The following ENOX2 variants were observed in gnomAD, a reference collection of about 807,000 sequenced individuals.
ENOX2 encodes the protein ecto-NOX disulfide-thiol exchanger 2, also known as APK1 antigen.
ENOX2 carries 36 observed loss-of-function variants against 45.0 expected under a neutral mutation model. The ratio of observed to expected loss-of-function variants is 0.80; its 90% CI spans 0.61 to 1.06. The LOEUF is 1.06. Among genes scored for constraint, ENOX2 ranks in the 50% least tolerant of loss-of-function variants. The pLI, the probability that ENOX2 is intolerant of heterozygous loss-of-function variation, is 0.00. For missense variants in ENOX2, 423 were observed against 462.5 expected, an observed-to-expected ratio of 0.91 and a Z score of 0.78; for synonymous variants, 174 against 152.3, an observed-to-expected ratio of 1.14 and a Z score of -1.05.
At chrX:130,662,727 A>G (rs752061898) in intron 9 of ENOX2, among the ~76,000 whole-genome samples, 1 of 112,340 alleles carries the variant, frequency 8.9e-6, no homozygotes, top group Non-Finnish European at 1.9e-5. Context: ...TGACTTAAAG[A>G]GGCACCAATA....
intron 2 of ENOX2, among the ~76,000 whole-genome samples, chrX:130,853,363 C>T (rs1170912869): frequency 9.7e-6 from 1 of 103,037 alleles, no homozygotes. Context: ...ACTCGGGAGG[C>T]TGAGGCAGGA....
At chrX:130,774,724 G>T (rs1438168699) in intron 3 of ENOX2, among the ~76,000 whole-genome samples, 2 of 112,089 alleles carry the variant, frequency 1.8e-5, no homozygotes, top group Non-Finnish European at 3.8e-5. Context: ...TCTCTTCATT[G>T]TAAGGTACTA....
intron 2 of ENOX2, among the ~76,000 whole-genome samples, chrX:130,802,325 A>C (rs770536992): frequency 2.1e-4 from 24 of 112,392 alleles, no homozygotes; most frequent in African/African-American, 7.1e-4. Context: ...TGTATCACCA[A>C]ATATATTGTC....
chrX:130,633,768 A>C (rs1181823838), intron 12 of ENOX2, among the ~76,000 whole-genome samples: 2 of 112,533 alleles, frequency 1.8e-5, no homozygotes, highest in Non-Finnish European at 3.8e-5. Flanking sequence ...TGGATACATA[A>C]TCCATTTTAT....
chrX:130,891,070 G>A (rs1322230730), intron 2 of ENOX2, among the ~76,000 whole-genome samples: 1 of 111,749 alleles, frequency 8.9e-6, no homozygotes, highest in African/African-American at 3.3e-5. Flanking sequence ...GCCGGGCATG[G>A]TGGCTCACAC....
chrX:130,694,983 A>C (rs1603307981), intron 4 of ENOX2, among the ~76,000 whole-genome samples: 2 of 111,747 alleles, frequency 1.8e-5, no homozygotes, highest in South Asian at 7.6e-4. Context: ...AAGGGATGGG[A>C]AATAATATTC....
At chrX:130,780,572 A>C (rs2039947969) in intron 3 of ENOX2, among the ~76,000 whole-genome samples, 1 of 111,904 alleles carries the variant, frequency 8.9e-6, no homozygotes, top group Non-Finnish European at 1.9e-5. Context: ...AGGAAAGCAA[A>C]AGTAGAGAAA....
At chrX:130,815,653 C>T (rs184606787) in intron 2 of ENOX2, among the ~76,000 whole-genome samples, 219 of 111,882 alleles carry the variant, frequency 2.0e-3, no homozygotes, top group African/African-American at 6.6e-3. Flanking sequence ...AACTAAGCTT[C>T]ATAAGTGAAG....
intron 6 of ENOX2, among the ~76,000 whole-genome samples, 185 bp downstream of exon 6, chrX:130,679,357 A>G (rs1353510829): frequency 8.9e-6 from 1 of 111,787 alleles, no homozygotes; most frequent in Non-Finnish European, 1.9e-5. Flanking sequence ...GATTTATCCC[A>G]TAGACAACTG....
chrX:130,883,713 C>T (rs1490017350), intron 2 of ENOX2, among the ~76,000 whole-genome samples: 1 of 110,718 alleles, frequency 9.0e-6, no homozygotes, highest in African/African-American at 3.3e-5. Flanking sequence ...TTTATATTCC[C>T]GTCCATGAGA....
At chrX:130,896,405 C>T (rs993700852) in intron 2 of ENOX2, among the ~76,000 whole-genome samples, 1 of 110,501 alleles carries the variant, frequency 9.0e-6, no homozygotes, top group Non-Finnish European at 1.9e-5. Context: ...TCCCAGTTTT[C>T]AGCTGGGTGA....
At position 130,805,420 on chromosome X, in the gene ENOX2, G is replaced by A. The variant is rs1278979850; in HGVS notation, c.-182-21730C>T. On this transcript the variant is annotated intron_variant, in intron 2 of 14. Coordinates refer to ENST00000394363, the MANE Select transcript of ENOX2 (RefSeq NM_006375.4). ...ATTCCTAGGGAAAATGTCTGAGACAGTATCAGTAACAAAGTATTCCTTGTG... is the reference window on the plus strand; with the variant it reads ...ATTCCTAGGGAAAATGTCTGAGACAATATCAGTAACAAAGTATTCCTTGTG... Among the ~76,000 whole-genome samples the A allele has an allele frequency of 3.6e-5, 4 of 112,166 alleles. No individual in the cohort carries two copies. The East Asian group carries it at 1.1e-3, about 31-fold the overall frequency.
intron 6 of ENOX2, among the ~76,000 whole-genome samples, chrX:130,673,202 G>A (rs1394581858): frequency 1.8e-5 from 2 of 111,040 alleles, no homozygotes; most frequent in Non-Finnish European, 3.8e-5. Context: ...GGAGTTGGGG[G>A]ACGTCCCATC....
intron 2 of ENOX2, among the ~76,000 whole-genome samples, chrX:130,797,416 C>T (rs1176961307): frequency 8.9e-6 from 1 of 112,078 alleles, no homozygotes; most frequent in Non-Finnish European, 1.9e-5. Context: ...ATCATTTCCA[C>T]TTTCATTCCC....
chrX:130,830,051 G>A (rs900323228), intron 2 of ENOX2, among the ~76,000 whole-genome samples: 1 of 111,508 alleles, frequency 9.0e-6, no homozygotes, highest in African/African-American at 3.3e-5. Context: ...CTTGTAATTA[G>A]CTGAGCTTGC....
chrX:130,758,947 T>C (rs2039412195), intron 3 of ENOX2, among the ~76,000 whole-genome samples: 1 of 111,858 alleles, frequency 8.9e-6, no homozygotes, highest in African/African-American at 3.3e-5. Context: ...GAGTTCTTTA[T>C]ATATCCTAGA....
intron 4 of ENOX2, among the ~76,000 whole-genome samples, chrX:130,692,578 CTG>C (rs2037633167): frequency 9.4e-6 from 1 of 106,383 alleles, no homozygotes; most frequent in African/African-American, 3.5e-5. Context: ...TTATCTCTCT[CTG>C]TTTTTTTTTT....
chrX:130,829,523 T>C (rs2077781033), intron 2 of ENOX2, among the ~76,000 whole-genome samples: 1 of 111,298 alleles, frequency 9.0e-6, no homozygotes, highest in African/African-American at 3.3e-5. Flanking sequence ...CTAAATAGGG[T>C]GTTAGGGGTA....
In ENOX2 at chrX:130,623,334, T is replaced by A. The variant is rs1051089072; in HGVS notation, c.*1980A>T. 3 of 111,272 alleles carry A rather than the reference T, an allele frequency of 2.7e-5. No individual in the cohort carries two copies. The highest frequency in any genetic ancestry group is 2.8e-4 in the East Asian group (1 of 3,559). 9.2% of individuals were successfully genotyped at this position (111,272 alleles called of 1,213,427 possible). On this transcript the variant is annotated 3_prime_UTR_variant, in exon 15 of 15. Transcript: ENST00000394363. ...CAGCTGTTGCTTTAAAAATTTTTTT[T>A]AATGTATTAATATCATGGTAAGGAG...
Sources: gnomAD v4.1 joint callset for allele counts (sites outside exome capture counted in the v4.1 genomes callset) on GRCh38, gnomAD v4.1.1 for gene constraint, MANE v1.5 for transcripts, NCBI Gene and HGNC (gene_info 2026-07-23, HGNC 2026-07-21) for gene names.